Variants in KIAA0232 observed in about 807,000 individuals in gnomAD.
The protein encoded by KIAA0232 is uncharacterized protein KIAA0232.
In KIAA0232, 27 loss-of-function variants were observed where a neutral mutation model predicts 122.0. That is an observed-to-expected ratio of 0.22 (90% confidence interval 0.16 to 0.31). The LOEUF (loss-of-function observed/expected upper bound fraction) is 0.31, where lower values mean the gene tolerates loss of function less well. Ranked by LOEUF, KIAA0232 falls within the 10% of genes least tolerant of loss-of-function variation. The pLI, the probability that KIAA0232 is intolerant of heterozygous loss-of-function variation, is 1.00. For missense variants in KIAA0232, 1,551 were observed against 1,634.2 expected (o/e 0.95, Z 0.88); for synonymous variants, 613 against 587.6 (o/e 1.04, Z -0.63).
chr4:6,797,675 A>G lies in KIAA0232; in HGVS notation c.-353-6848A>G, dbSNP rs375150757. ...CAGTTACCTGGGAGGCTGAGGTGGT[A>G]GGATTGCTTGAGCCCAGGAATTCCA... On this transcript the variant is annotated intron_variant, in intron 1 of 9. Transcript: ENST00000307659. Among the ~76,000 whole-genome samples the G allele has an allele frequency of 4.7e-5, 7 of 149,706 alleles. No individual in the cohort carries two copies. The South Asian group carries it at 1.5e-3, about 33-fold the overall frequency.
intron 2 of KIAA0232, among the ~76,000 whole-genome samples, chr4:6,817,296 C>T (rs1308271021): frequency 3.9e-5 from 6 of 152,006 alleles, no homozygotes; most frequent in African/African-American, 9.7e-5. Flanking sequence ...TCGCTGCAGC[C>T]GCCTCCTCCT....
In KIAA0232 at chr4:6,871,561, TTAATC is replaced by T. The variant is rs768438239; in HGVS notation, c.3802-9_3802-5del. On this transcript the variant is annotated splice_region_variant and splice_polypyrimidine_tract_variant and intron_variant, in intron 7 of 9. Transcript: ENST00000307659. ...TTTATAAACTTTTTCTGTATTTGGT[TTAATC>T]TAAACAGTTCCCTGTATTGAACACT... is the stretch of plus-strand genomic sequence containing the variant. 6.9e-7 allele frequency: 1 copy of T among 1,452,534 alleles called. No homozygotes were observed. The highest frequency in any genetic ancestry group is 9.5e-7 in the Non-Finnish European group (1 of 1,047,930). 90.0% of individuals were successfully genotyped at this position (1,452,534 alleles called of 1,614,324 possible).
chr4:6,788,439 T>C (rs1045972198), intron 1 of KIAA0232, among the ~76,000 whole-genome samples: 10 of 152,248 alleles, frequency 6.6e-5, no homozygotes, highest in African/African-American at 2.4e-4. Flanking sequence ...GAGTCTTGGC[T>C]TAAATGCTGC....
At chr4:6,782,953 G>A (rs1240793372) in intron 1 of KIAA0232, 112 bp downstream of exon 1, 1 of 151,614 alleles carries the variant, frequency 6.6e-6, no homozygotes, top group Admixed American at 6.6e-5. Flanking sequence ...GCCAGCCCGA[G>A]GGAGGCCGGG....
rs1722047937 is a variant in KIAA0232 at position 6,881,013 on chromosome 4, A to G, written c.*47A>G. 7.5e-7 allele frequency: 1 copy of G among 1,325,280 alleles called. No homozygotes were observed. Among genetic ancestry groups the G allele is most frequent in the African/African-American group, 1.5e-5 (1 of 66,304 alleles). 82.1% of individuals were successfully genotyped at this position (1,325,280 alleles called of 1,614,324 possible). On this transcript the variant is annotated 3_prime_UTR_variant, in exon 10 of 10. Coordinates refer to ENST00000307659, the MANE Select transcript of KIAA0232 (RefSeq NM_014743.3). The stretch of plus-strand genomic sequence containing the variant: ...ATTGTTTAAAAATGATATGTGATGG[A>G]AAATTACTCTTCAGTGAGACCTGTT...
chr4:6,830,836 A>G (rs1011856988), intron 3 of KIAA0232, among the ~76,000 whole-genome samples: 2 of 151,984 alleles, frequency 1.3e-5, no homozygotes, highest in Non-Finnish European at 2.9e-5. Flanking sequence ...TTGCTATGGA[A>G]CTGTTCCTGA....
intron 6 of KIAA0232, among the ~76,000 whole-genome samples, chr4:6,860,417 C>T (rs139260630): frequency 6.3e-4 from 96 of 152,244 alleles, no homozygotes; most frequent in South Asian, 5.6e-3. Context: ...GCTTTTTAAC[C>T]GCATATATTT....
rs148827072 is a variant in KIAA0232, at chr4:6,855,527, T to C, written c.370-1637T>C. ...TTTAAACATGAGAGCAAAAAAAATA[T>C]ATGTTTATATATGACAGCAAATATA... On this transcript the variant is annotated intron_variant, in intron 4 of 9. Coordinates refer to ENST00000307659, the MANE Select transcript of KIAA0232 (RefSeq NM_014743.3). The surrounding 1 kb of genome is among the most constrained non-coding windows in gnomAD (Gnocchi z 4.3). Among the ~76,000 whole-genome samples, 223 of 152,248 alleles carry C rather than the reference T, an allele frequency of 1.5e-3. 1 individual carries two copies. The highest frequency in any genetic ancestry group is 0.011 in the South Asian group (51 of 4,830).
chr4:6,799,103 A>G (rs976264860), intron 1 of KIAA0232, among the ~76,000 whole-genome samples: 3 of 151,544 alleles, frequency 2.0e-5, no homozygotes, highest in Non-Finnish European at 4.4e-5. Context: ...TCCATGCCCT[A>G]CTCTTAGCGT....
intron 2 of KIAA0232, among the ~76,000 whole-genome samples, chr4:6,818,737 G>T (rs966385667): frequency 6.6e-6 from 1 of 150,856 alleles, no homozygotes; most frequent in Middle Eastern, 3.2e-3. Flanking sequence ...TACAAAATTC[G>T]TGTGGAACCA....
intron 1 of KIAA0232, among the ~76,000 whole-genome samples, chr4:6,801,095 C>T (rs1717365932): frequency 6.6e-6 from 1 of 152,140 alleles, no homozygotes; most frequent in African/African-American, 2.4e-5. Flanking sequence ...GTCAGCATTT[C>T]CCCAAATCTT....
intron 8 of KIAA0232, among the ~76,000 whole-genome samples, chr4:6,872,536 T>C (rs1721547156): frequency 6.6e-6 from 1 of 152,146 alleles, no homozygotes; most frequent in East Asian, 1.9e-4. Context: ...AAACCCTGAA[T>C]TGAAATTTTG....
At chr4:6,870,726 C>T (rs1164124515) in intron 7 of KIAA0232, among the ~76,000 whole-genome samples, 1 of 151,638 alleles carries the variant, frequency 6.6e-6, no homozygotes, top group Admixed American at 6.6e-5. Context: ...CATTTGAACA[C>T]TGGAGGCAGA....
intron 2 of KIAA0232, among the ~76,000 whole-genome samples, chr4:6,806,287 A>C (rs545395043): frequency 1.3e-5 from 2 of 152,238 alleles, no homozygotes; most frequent in Non-Finnish European, 2.9e-5. Flanking sequence ...AAAAATTTTT[A>C]ATATGGCAGT....
intron 2 of KIAA0232, among the ~76,000 whole-genome samples, chr4:6,818,549 G>C (rs1718252335): frequency 6.6e-6 from 1 of 151,910 alleles, no homozygotes; most frequent in African/African-American, 2.4e-5. Context: ...ATCTCTGCAA[G>C]AAGGACGATA....
At chr4:6,877,751 A>G (rs1437796658) in intron 9 of KIAA0232, among the ~76,000 whole-genome samples, 8 of 152,112 alleles carry the variant, frequency 5.3e-5, no homozygotes. Context: ...GCCCACCCAG[A>G]TGAAGGGTGG....
chr4:6,793,142 A>G (rs928023840), intron 1 of KIAA0232, among the ~76,000 whole-genome samples: 1 of 152,170 alleles, frequency 6.6e-6, no homozygotes, highest in Admixed American at 6.5e-5. Flanking sequence ...GACTACCATT[A>G]ACATTACCTA....
intron 7 of KIAA0232, among the ~76,000 whole-genome samples, chr4:6,865,854 A>C (rs1158338454): frequency 6.6e-6 from 1 of 152,132 alleles, no homozygotes; most frequent in Non-Finnish European, 1.5e-5. Context: ...ATTTTCATGC[A>C]CTTTATGCCT....
intron 3 of KIAA0232, among the ~76,000 whole-genome samples, chr4:6,832,806 G>C (rs1719064235): frequency 6.6e-6 from 1 of 152,204 alleles, no homozygotes; most frequent in Non-Finnish European, 1.5e-5. Context: ...AAGCATGCTA[G>C]GAGTGGGTGT....
Sources: gnomAD v4.1 joint callset for allele counts (sites outside exome capture counted in the v4.1 genomes callset) on GRCh38, gnomAD v4.1.1 for gene constraint, Gnocchi (gnomAD v3.1) non-coding constraint, MANE v1.5 for transcripts, NCBI Gene and HGNC (gene_info 2026-07-23, HGNC 2026-07-21) for gene names.